The following MANEA variants were observed in gnomAD, a reference collection of about 807,000 sequenced individuals.
MANEA encodes the protein glycoprotein endo-alpha-1,2-mannosidase.
MANEA carries 25 observed loss-of-function variants against 36.8 expected under a neutral mutation model. That is an observed-to-expected ratio of 0.68 (90% confidence interval 0.50 to 0.95). The LOEUF is 0.95. Among genes scored for constraint, MANEA ranks in the 40% least tolerant of loss-of-function variants. MANEA has a pLI of 0.00. For missense variants in MANEA, 565 were observed against 558.8 expected (o/e 1.01, Z -0.11); for synonymous variants, 198 against 188.5 (o/e 1.05, Z -0.41).
intron 2 of MANEA, among the ~76,000 whole-genome samples, chr6:95,593,543 A>C (rs1208739529): frequency 6.6e-6 from 1 of 152,232 alleles, no homozygotes; most frequent in Non-Finnish European, 1.5e-5. Flanking sequence ...AATATTCTCT[A>C]TCTGTGCTGC....
At chr6:95,594,783 A>G (rs563860186) in intron 2 of MANEA, among the ~76,000 whole-genome samples, 77 of 152,310 alleles carry the variant, frequency 5.1e-4, no homozygotes, top group African/African-American at 1.7e-3. Context: ...AGGATTGTAC[A>G]AGCATTGTGA....
chr6:95,598,764 A>G (rs1211134884), intron 3 of MANEA, among the ~76,000 whole-genome samples: 1 of 152,146 alleles, frequency 6.6e-6, no homozygotes, highest in Non-Finnish European at 1.5e-5. Context: ...CAATAGCACA[A>G]TTTTTATTTA....
chr6:95,582,152 A>G (rs1053797208), intron 1 of MANEA, among the ~76,000 whole-genome samples: 3 of 144,266 alleles, frequency 2.1e-5, no homozygotes, highest in South Asian at 2.3e-4. Flanking sequence ...TTACAGTGGC[A>G]TGCCAAAATG....
intron 1 of MANEA, among the ~76,000 whole-genome samples, chr6:95,585,291 G>T (rs763056066): frequency 6.6e-6 from 1 of 152,138 alleles, no homozygotes; most frequent in Non-Finnish European, 1.5e-5. Context: ...CCTCTGTTCA[G>T]TAAGATTTTC....
intron 3 of MANEA, among the ~76,000 whole-genome samples, chr6:95,600,013 G>T (rs1315515520): frequency 6.6e-6 from 1 of 152,196 alleles, no homozygotes; most frequent in African/African-American, 2.4e-5. Context: ...CAAAATCCTG[G>T]AAGATGGAAG....
At chr6:95,580,432 G>C (rs1024887146) in intron 1 of MANEA, among the ~76,000 whole-genome samples, 1 of 151,798 alleles carries the variant, frequency 6.6e-6, no homozygotes, top group African/African-American at 2.4e-5. Flanking sequence ...AATACATAAG[G>C]AATGACAATT....
intron 1 of MANEA, among the ~76,000 whole-genome samples, chr6:95,578,419 C>T (rs1465547093): frequency 6.6e-6 from 1 of 152,052 alleles, no homozygotes; most frequent in Admixed American, 6.5e-5. Flanking sequence ...TGATTAAGAA[C>T]TTGAAAATAA....
At chr6:95,587,078 T>C in intron 2 of MANEA, 95 bp downstream of exon 2, 2 of 740,654 alleles carry the variant, frequency 2.7e-6, no homozygotes, top group Non-Finnish European at 4.6e-6. Flanking sequence ...TTCTCATTAT[T>C]ATTAATTATA....
intron 1 of MANEA, among the ~76,000 whole-genome samples, chr6:95,585,900 T>C (rs547942009): frequency 6.6e-6 from 1 of 152,210 alleles, no homozygotes; most frequent in Non-Finnish European, 1.5e-5. Context: ...TGGTGACTCA[T>C]ACCTGTAATC....
At chr6:95,584,891 G>A (rs1235896599) in intron 1 of MANEA, among the ~76,000 whole-genome samples, 4 of 152,124 alleles carry the variant, frequency 2.6e-5, no homozygotes, top group Admixed American at 2.0e-4. Context: ...GAAATATTGG[G>A]GATGGGTTCC....
chr6:95,606,208 T>G lies in MANEA; in HGVS notation c.1192T>G (p.Ser398Ala). The G allele has an allele frequency of 1.2e-6, 2 of 1,614,030 alleles. No individual in the cohort carries two copies. Among genetic ancestry groups the G allele is most frequent in the Non-Finnish European group, 8.5e-7 (1 of 1,179,976 alleles). Residue 398 changes from serine to alanine, a missense_variant, in exon 5 of 5, where the codon TCT becomes GCT. Transcript: ENST00000358812. Reference sequence around the variant, plus strand: ...ACTTCAGACACGCCCCAGCTTAATTTCTATCACCTCTTTTAATGAGTGGCA... The same window carrying G: ...ACTTCAGACACGCCCCAGCTTAATTGCTATCACCTCTTTTAATGAGTGGCA... ...AALQTRPSLI[S>A]ITSFNEWHEG...
intron 3 of MANEA, 39 bp from the exon 4 acceptor site, chr6:95,604,784 TATAG>T (rs1249451475): frequency 3.9e-6 from 3 of 771,886 alleles, no homozygotes; most frequent in Non-Finnish European, 6.1e-6. Context: ...AATTTTACAT[TATAG>T]ATAATTTATC....
rs965720011 is a variant in MANEA at position 95,606,463 on chromosome 6, G to A, written c.*58G>A. 29 of 1,310,094 alleles carry A rather than the reference G, an allele frequency of 2.2e-5. No homozygotes were observed. The highest frequency in any genetic ancestry group is 3.0e-5 in the African/African-American group (2 of 67,164). 81.2% of individuals were successfully genotyped at this position (1,310,094 alleles called of 1,614,324 possible). ...CACCTAATTTTTAAAAATAGCTTTCGTTTTGAGTTCTGGAAAGAAAACTGT... is the reference window on the plus strand; with the variant it reads ...CACCTAATTTTTAAAAATAGCTTTCATTTTGAGTTCTGGAAAGAAAACTGT... On this transcript the variant is annotated 3_prime_UTR_variant, in exon 5 of 5. Transcript: ENST00000358812.
chr6:95,606,521 A>G lies in MANEA; in HGVS notation c.*116A>G. The stretch of plus-strand genomic sequence containing the variant: ...AGTATATACTATTAGTTATATTTAA[A>G]AATATTTTTTTAAATTCTTTACAGA... On this transcript the variant is annotated 3_prime_UTR_variant, in exon 5 of 5. Coordinates refer to ENST00000358812, the MANE Select transcript of MANEA (RefSeq NM_024641.4). 2 of 530,564 alleles carry G rather than the reference A, an allele frequency of 3.8e-6. No homozygotes were observed. Among genetic ancestry groups the G allele is most frequent in the Middle Eastern group, 5.4e-4 (1 of 1,858 alleles). The allele number at this position is 530,564 out of a possible 1,614,324, so 32.9% of individuals were successfully genotyped here.
At chr6:95,582,034 A>G (rs1417841290) in intron 1 of MANEA, among the ~76,000 whole-genome samples, 1 of 152,086 alleles carries the variant, frequency 6.6e-6, no homozygotes, top group Non-Finnish European at 1.5e-5. Flanking sequence ...GATATATTAC[A>G]TCCAAAATAT....
intron 3 of MANEA, 79 bp downstream of exon 3, chr6:95,596,925 T>A: frequency 1.7e-6 from 1 of 596,606 alleles, no homozygotes; most frequent in Non-Finnish European, 2.9e-6. Context: ...TTTGAAATAG[T>A]AATTTTAATT....
intron 2 of MANEA, among the ~76,000 whole-genome samples, chr6:95,594,432 A>C (rs1350489690): frequency 6.6e-6 from 1 of 152,188 alleles, no homozygotes; most frequent in Non-Finnish European, 1.5e-5. Context: ...AATTAGGAAA[A>C]GGGCAAAAGT....
chr6:95,587,347 C>T (rs1769309210), intron 2 of MANEA: 1 of 203,038 alleles, frequency 4.9e-6, no homozygotes, highest in Non-Finnish European at 1.1e-5. Context: ...AATACCACCC[C>T]AATCAAGAAG....
At chr6:95,604,061 G>GGTGTGTGTGTGTGTGTGTGT (rs71012509) in intron 3 of MANEA, among the ~76,000 whole-genome samples, 2,297 of 138,330 alleles carry the variant, frequency 0.017, 46 homozygotes, top group Middle Eastern at 0.031. Flanking sequence ...TATGTATGTA[G>GGTGTGTGTGTGTGTGTGTGT]GTGTGTGTGT....
Sources: allele counts gnomAD v4.1 joint callset (sites outside exome capture counted in the v4.1 genomes callset), GRCh38; gene constraint gnomAD v4.1.1; transcripts MANE v1.5; gene names NCBI Gene and HGNC (gene_info 2026-07-23, HGNC 2026-07-21).